Variants in ZPBP observed in about 807,000 individuals in gnomAD.
ZPBP encodes the protein zona pellucida binding protein.
ZPBP carries 26 observed loss-of-function variants against 44.8 expected under a neutral mutation model. The ratio of observed to expected loss-of-function variants is 0.58; its 90% CI spans 0.43 to 0.81. The LOEUF (loss-of-function observed/expected upper bound fraction) is 0.81. Among genes scored for constraint, ZPBP ranks in the 30% least tolerant of loss-of-function variants. ZPBP has a pLI of 0.00. For synonymous variants in ZPBP, 174 were observed against 153.2 expected (o/e 1.14, Z -1.00); for missense variants, 409 against 434.0 (o/e 0.94, Z 0.51).
intron 3 of ZPBP, among the ~76,000 whole-genome samples, chr7:50,063,924 G>T (rs1301732680): frequency 6.6e-6 from 1 of 152,150 alleles, no homozygotes; most frequent in Non-Finnish European, 1.5e-5. Context: ...ATAGATTGGG[G>T]TGTGGTACCC....
At chr7:50,022,463 A>G (rs1601032) in intron 5 of ZPBP, among the ~76,000 whole-genome samples, 121,260 of 151,820 alleles carry the variant, frequency 0.8, 48,571 homozygotes, top group East Asian at 0.87. Flanking sequence ...AGTTTCTTAC[A>G]AGTTTGAAAT....
chr7:49,887,939 C>T lies in ZPBP; in HGVS notation n.509+13179G>A, dbSNP rs146275870. ...GTTCTCCAATCTATGTTTATTCATT[C>T]GCTTATTTACATTTGTGTATCTGTA... is the stretch of plus-strand genomic sequence containing the variant. On this transcript the variant is annotated intron_variant and non_coding_transcript_variant, in intron 2 of 2. Transcript: ENST00000465922. Among the ~76,000 whole-genome samples the T allele has an allele frequency of 2.1e-4, 32 of 152,336 alleles. No homozygotes were observed. In the East Asian group the frequency reaches 4.8e-3, roughly 23 times the overall value.
chr7:49,943,227 T>C (rs1794961726), intron 7 of ZPBP: 1 of 314,348 alleles, frequency 3.2e-6, no homozygotes, highest in South Asian at 3.0e-5. Context: ...CTTGCTGATA[T>C]ATTCTGGCTT....
chr7:49,989,830 GCC>G (rs1308716807), intron 6 of ZPBP, among the ~76,000 whole-genome samples: 1 of 152,172 alleles, frequency 6.6e-6, no homozygotes, highest in Non-Finnish European at 1.5e-5. Context: ...TAAATAGGGT[GCC>G]CATTACTCAG....
At position 49,981,795 on chromosome 7, in the gene ZPBP, A is replaced by G. The variant is rs1257571541; in HGVS notation, c.961+1547T>C. ...ATTATATGAATTATATAGATTATATAATTATATGAATTATATAGATTATAT... is the reference window on the plus strand; with the variant it reads ...ATTATATGAATTATATAGATTATATGATTATATGAATTATATAGATTATAT... On this transcript the variant is annotated intron_variant, in intron 7 of 7. Coordinates refer to ENST00000046087, the MANE Select transcript of ZPBP (RefSeq NM_007009.3). 2.3e-3 allele frequency among the ~76,000 whole-genome samples: 217 copies of G among 93,042 alleles called. 37 individuals are homozygous for G. The highest frequency in any genetic ancestry group is 3.7e-3 in the Admixed American group (19 of 5,178). The allele number at this position is 93,042 out of a possible 152,430, so 61.0% of individuals were successfully genotyped here.
intron 7 of ZPBP, among the ~76,000 whole-genome samples, chr7:49,956,153 G>T (rs1795580163): frequency 6.6e-6 from 1 of 152,030 alleles, no homozygotes; most frequent in Admixed American, 6.6e-5. Context: ...AACTCACACA[G>T]GGAAGAGTAT....
intron 7 of ZPBP, among the ~76,000 whole-genome samples, chr7:49,939,386 T>C (rs1794763028): frequency 6.6e-6 from 1 of 152,210 alleles, no homozygotes; most frequent in African/African-American, 2.4e-5. Flanking sequence ...CAGTATGACA[T>C]GTGTAACATC....
At chr7:50,058,256 G>T (rs1437836804) in intron 3 of ZPBP, 115 bp from the exon 4 acceptor site, 12 of 1,088,660 alleles carry the variant, frequency 1.1e-5, no homozygotes, top group African/African-American at 1.1e-4. Flanking sequence ...TGAAAGGAGT[G>T]GGGGGCATAG....
chr7:49,902,673 GA>G (rs1206020868), intron 1 of ZPBP, among the ~76,000 whole-genome samples: 5 of 151,554 alleles, frequency 3.3e-5, no homozygotes, highest in Non-Finnish European at 7.4e-5. Context: ...GAAATAACAA[GA>G]AAAAAACTTT....
chr7:49,906,535 A>G (rs1021479364), intron 1 of ZPBP, among the ~76,000 whole-genome samples: 5 of 152,076 alleles, frequency 3.3e-5, no homozygotes, highest in Non-Finnish European at 7.4e-5. Context: ...ATGGGGTTTC[A>G]CTGTGTTAGC....
At chr7:50,068,951 T>C (rs1482491862) in intron 3 of ZPBP, among the ~76,000 whole-genome samples, 4 of 152,226 alleles carry the variant, frequency 2.6e-5, no homozygotes, top group Admixed American at 2.6e-4. Context: ...CTTTAGCCTT[T>C]GCAGAACTGC....
At chr7:49,854,380 T>G (rs1293163394) in intron 2 of ZPBP, among the ~76,000 whole-genome samples, 1 of 152,108 alleles carries the variant, frequency 6.6e-6, no homozygotes, top group Non-Finnish European at 1.5e-5. Context: ...ACCTGTTGTT[T>G]CCTGACTTTT....
At chr7:50,051,839 A>AT (rs960190126) in intron 4 of ZPBP, among the ~76,000 whole-genome samples, 6 of 152,174 alleles carry the variant, frequency 3.9e-5, no homozygotes, top group Admixed American at 6.5e-5. Context: ...ATTAGGAAAA[A>AT]TAGCTAATAC....
At chr7:50,092,076 TACTA>T (rs1484422167) in intron 1 of ZPBP, among the ~76,000 whole-genome samples, 1 of 152,218 alleles carries the variant, frequency 6.6e-6, no homozygotes, top group Non-Finnish European at 1.5e-5. Flanking sequence ...ACTTACAAGA[TACTA>T]ACTGCTTATT....
intron 7 of ZPBP, among the ~76,000 whole-genome samples, chr7:49,978,073 G>GTTTTTT (rs1796608780): frequency 6.7e-6 from 1 of 149,040 alleles, no homozygotes; most frequent in Non-Finnish European, 1.5e-5. Context: ...GTTTGTTTTT[G>GTTTTTT]GTTTTTTGTT....
intron 2 of ZPBP, among the ~76,000 whole-genome samples, chr7:49,873,917 AAC>A (rs1791285918): frequency 1.3e-5 from 2 of 151,882 alleles, no homozygotes; most frequent in African/African-American, 4.8e-5. Flanking sequence ...AAAAAAAAAA[AAC>A]AACAAAAAAA....
intron 5 of ZPBP, among the ~76,000 whole-genome samples, chr7:50,025,198 A>T (rs1389627326): frequency 6.6e-6 from 1 of 151,916 alleles, no homozygotes; most frequent in Non-Finnish European, 1.5e-5. Flanking sequence ...CTATTGTTAC[A>T]ATGTCAGTTC....
At chr7:50,008,948 C>T (rs532913387) in intron 6 of ZPBP, among the ~76,000 whole-genome samples, 18 of 151,958 alleles carry the variant, frequency 1.2e-4, no homozygotes, top group South Asian at 4.1e-4. Context: ...AAGACACATA[C>T]TGGGCCAGGT....
At chr7:49,864,500 AGCTCTTTCTGG>A (rs1448466226) in intron 2 of ZPBP, among the ~76,000 whole-genome samples, 1 of 152,176 alleles carries the variant, frequency 6.6e-6, no homozygotes, top group Non-Finnish European at 1.5e-5. Flanking sequence ...ATCCCAAGGA[AGCTCTTTCTGG>A]GCTCTTTCTC....
Sources: allele counts gnomAD v4.1 joint callset (sites outside exome capture counted in the v4.1 genomes callset), GRCh38; gene constraint gnomAD v4.1.1; transcripts MANE v1.5; gene names NCBI Gene and HGNC (gene_info 2026-07-23, HGNC 2026-07-21).